The following HTT variants were observed in gnomAD, a reference collection of about 807,000 sequenced individuals.
HTT encodes huntington disease protein.
A neutral mutation model predicts 362.3 loss-of-function variants in HTT; 104 were observed. The observed-to-expected ratio is 0.29, with a 90% CI of 0.24 to 0.34. The LOEUF is 0.34. Among genes scored for constraint, HTT ranks in the 10% least tolerant of loss-of-function variants. The pLI, the probability that HTT is intolerant of heterozygous loss-of-function variation, is 1.00. For missense variants in HTT, 3,301 were observed against 3,928.6 expected, an observed-to-expected ratio of 0.84 and a Z score of 4.27; for synonymous variants, 1,577 against 1,548.7, an observed-to-expected ratio of 1.02 and a Z score of -0.43.
At chr4:3,189,245 ACCATGTGACC>A in intron 40 of HTT, 152 bp downstream of exon 40, 1 of 734,386 alleles carries the variant, frequency 1.4e-6, no homozygotes, top group Non-Finnish European at 2.2e-6. Flanking sequence ...TACACCTGAT[ACCATGTGACC>A]CAGCAGTTCC....
rs759217635 is a variant in HTT, at chr4:3,188,955, C to G, written c.5230C>G (p.Leu1744Val). 46 of 1,613,894 alleles carry G rather than the reference C, an allele frequency of 2.9e-5. 1 individual carries two copies. The South Asian group carries it at 5.1e-4, about 18-fold the overall frequency. ...NLPEETFSRF[L>V]LQLVGILLED... ...ATCTTTTTTGTTTCTTGGAAGGTTT[C>G]TATTACAACTGGTTGGTATTCTTTT... The change falls in exon 40 of 67, where the codon CTA becomes GTA. Residue 1744 changes from leucine to valine, a missense_variant. Leu to Val is a conservative substitution (Grantham distance 32). Transcript: ENST00000355072.
chr4:3,154,767 G>C (rs1717062810), intron 27 of HTT, among the ~76,000 whole-genome samples: 1 of 152,160 alleles, frequency 6.6e-6, no homozygotes, highest in African/African-American at 2.4e-5. Context: ...AGATGCTTAG[G>C]AATAGATGTA....
At chr4:3,123,068 T>G (rs1715365262) in intron 10 of HTT, 132 bp downstream of exon 10, 1 of 559,450 alleles carries the variant, frequency 1.8e-6, no homozygotes, top group East Asian at 3.1e-5. Flanking sequence ...GATGAGTGAT[T>G]ATATGTGTGA....
intron 11 of HTT, 85 bp downstream of exon 11, chr4:3,125,714 G>A (rs1560558391): frequency 2.0e-6 from 2 of 979,776 alleles, no homozygotes; most frequent in Non-Finnish European, 3.3e-6. Flanking sequence ...CCCTGCACCT[G>A]GTGGACAGCA....
intron 40 of HTT, among the ~76,000 whole-genome samples, chr4:3,194,950 G>A (rs1369546056): frequency 6.6e-6 from 1 of 152,206 alleles, no homozygotes; most frequent in East Asian, 1.9e-4. Flanking sequence ...AATTATCCCA[G>A]TTAATTCTTA....
intron 6 of HTT, among the ~76,000 whole-genome samples, chr4:3,108,499 A>G (rs10016755): frequency 0.057 from 8,703 of 152,280 alleles, 430 homozygotes; most frequent in African/African-American, 0.13. Flanking sequence ...CCACAGCGCC[A>G]GTTTGCCCAT....
intron 40 of HTT, among the ~76,000 whole-genome samples, chr4:3,192,170 G>A (rs571469757): frequency 6.6e-6 from 1 of 152,274 alleles, no homozygotes; most frequent in Admixed American, 6.5e-5. Flanking sequence ...GAACTCCTGG[G>A]CTCTAGAGTT....
intron 29 of HTT, among the ~76,000 whole-genome samples, chr4:3,161,437 A>C (rs781223165): frequency 6.6e-6 from 1 of 152,222 alleles, no homozygotes; most frequent in Non-Finnish European, 1.5e-5. Context: ...GTATATGCCC[A>C]GTAATGGGAT....
chr4:3,180,898 A>ATTT (rs1718492182), intron 36 of HTT: 1 of 308,162 alleles, frequency 3.2e-6, no homozygotes. Context: ...TTTTTTTGAG[A>ATTT]TGGAGTCTCT....
At chr4:3,200,080 T>C in intron 41 of HTT, 141 bp downstream of exon 41, 1 of 672,210 alleles carries the variant, frequency 1.5e-6, no homozygotes, top group Non-Finnish European at 2.5e-6. Context: ...TGCTGCATAT[T>C]AATATTCCTT....
At chr4:3,095,127 C>T (rs948893000) in intron 2 of HTT, among the ~76,000 whole-genome samples, 4 of 152,212 alleles carry the variant, frequency 2.6e-5, no homozygotes, top group Admixed American at 6.5e-5. Flanking sequence ...GACGGGGTGG[C>T]GGCTGGGCAG....
In HTT at chr4:3,174,692, T is replaced by G. The variant is rs371373786; in HGVS notation, c.4167-29T>G. 30 of 1,557,088 alleles carry G rather than the reference T, an allele frequency of 1.9e-5. No individual in the cohort carries two copies. The East Asian group carries it at 5.2e-4, about 27-fold the overall frequency. ...AGATTATTTAAAGATATTCTCATTCTCTGCTTCCCTTTTATTCCCATTTGG... is the reference window on the plus strand; with the variant it reads ...AGATTATTTAAAGATATTCTCATTCGCTGCTTCCCTTTTATTCCCATTTGG... On this transcript the variant is annotated intron_variant, in intron 31 of 66. Coordinates refer to ENST00000355072, the MANE Select transcript of HTT (RefSeq NM_001388492.1).
Position 3,146,824 on chromosome 4 carries a change from G to C in HTT, c.3171G>C (p.Glu1057Asp). 6.2e-7 allele frequency: 1 copy of C among 1,614,184 alleles called. No homozygotes were observed. The highest frequency in any genetic ancestry group is 8.5e-7 in the Non-Finnish European group (1 of 1,180,018). Residue 1057 changes from glutamate (E) to aspartate (D), a missense_variant, in exon 25 of 67, where the codon GAG becomes GAC. Physicochemically the swap from Glu to Asp is conservative, Grantham distance 45 (BLOSUM62 2). Around this residue, in one of 4 missense-constraint regions of HTT, gnomAD observed 2,316 missense variants for 2,658.5 expected, o/e 0.87. Coordinates refer to ENST00000355072, the MANE Select transcript of HTT (RefSeq NM_001388492.1). ...TGCCTCCACTGAGTGCCTCAGATGAGTCTAGGAAGAGCTGTACCGTTGGGA... is the reference window on the plus strand; with the variant it reads ...TGCCTCCACTGAGTGCCTCAGATGACTCTAGGAAGAGCTGTACCGTTGGGA... ...CGVPPLSASDESRKSCTVGMA... is the reference protein window; with the variant it reads ...CGVPPLSASDDSRKSCTVGMA...
chr4:3,207,253 AAC>A (rs1719909559), intron 44 of HTT, 26 bp from the exon 45 acceptor site: 1 of 1,602,514 alleles, frequency 6.2e-7, no homozygotes, highest in African/African-American at 1.3e-5. Flanking sequence ...AGGTGTTACA[AAC>A]ACACTAATGT....
rs982485866 is a variant in HTT, at chr4:3,204,293, G to A, written c.5718+145G>A. 1.2e-5 allele frequency: 9 copies of A among 738,764 alleles called. No homozygotes were observed. In the African/African-American group the frequency reaches 1.4e-4, roughly 11 times the overall value. The allele number at this position is 738,764 out of a possible 1,614,324, so 45.8% of individuals were successfully genotyped here. A position where few individuals can be genotyped will look rare whatever the true frequency, so the allele number is the denominator to read the frequency against. Reference sequence around the variant, plus strand: ...CATCGAAACTAAATCTAGAATGAATGTTTACTTCTGCTGTGACATATAATT... The same window carrying A: ...CATCGAAACTAAATCTAGAATGAATATTTACTTCTGCTGTGACATATAATT... On this transcript the variant is annotated intron_variant, in intron 42 of 66. Transcript: ENST00000355072.
Position 3,177,181 on chromosome 4 carries a change from C to T in HTT, c.4408-151C>T, listed in dbSNP as rs363135. 7.6e-3 allele frequency: 4,936 copies of T among 653,590 alleles called. 39 individuals are homozygous for T. Among genetic ancestry groups the T allele is most frequent in the Non-Finnish European group, 9.1e-3 (3,378 of 371,078 alleles). 40.5% of individuals were successfully genotyped at this position (653,590 alleles called of 1,614,324 possible). A position where few individuals can be genotyped will look rare whatever the true frequency, so the allele number is the denominator to read the frequency against. On this transcript the variant is annotated intron_variant, in intron 33 of 66. Transcript: ENST00000355072. The stretch of plus-strand genomic sequence containing the variant: ...TGGATGTGTTCTGCAATTATCTAGG[C>T]TGATTTCAGAATAGAGTTATGCTTA...
chr4:3,209,484 C>T (rs1445762992), intron 46 of HTT, among the ~76,000 whole-genome samples: 1 of 152,240 alleles, frequency 6.6e-6, no homozygotes, highest in Non-Finnish European at 1.5e-5. Context: ...ATTCGCTAAG[C>T]ACCTGCCCTG....
intron 19 of HTT, among the ~76,000 whole-genome samples, chr4:3,135,456 T>C (rs1287574179): frequency 6.6e-6 from 1 of 151,990 alleles, no homozygotes; most frequent in Non-Finnish European, 1.5e-5. Context: ...GTTTTTTTTT[T>C]TTCCAAGCCA....
chr4:3,170,585 C>T (rs898886185), intron 29 of HTT, among the ~76,000 whole-genome samples: 2 of 152,174 alleles, frequency 1.3e-5, no homozygotes, highest in African/African-American at 4.8e-5. Context: ...CTTGTTTTCT[C>T]TTCTCTGGTG....
Sources: gnomAD v4.1 joint callset for allele counts (sites outside exome capture counted in the v4.1 genomes callset) on GRCh38, gnomAD v4.1.1 for gene constraint, gnomAD v4.1.1 regional missense constraint, MANE v1.5 for transcripts, NCBI Gene and HGNC (gene_info 2026-07-23, HGNC 2026-07-21) for gene names.